RGS9: variants seen among roughly 807,000 people sequenced by gnomAD.
RGS9 encodes the protein regulator of G protein signaling 9.
A neutral mutation model predicts 102.0 loss-of-function variants in RGS9; 78 were observed. The observed-to-expected ratio is 0.76, with a 90% CI of 0.64 to 0.92. RGS9 has a LOEUF of 0.92. Ranked by LOEUF, RGS9 falls within the 40% of genes least tolerant of loss-of-function variation. The probability of loss-of-function intolerance (pLI) is 0.00; values close to 1 mark genes in which losing one functional copy is unlikely to be tolerated. For synonymous variants in RGS9, 353 were observed against 318.6 expected (o/e 1.11, Z -1.15); for missense variants, 833 against 866.1 (o/e 0.96, Z 0.48).
intron 7 of RGS9, among the ~76,000 whole-genome samples, chr17:65,163,934 T>C (rs1053384106): frequency 1.3e-5 from 2 of 152,228 alleles, no homozygotes; most frequent in Non-Finnish European, 2.9e-5. Context: ...GAATGATGTT[T>C]AAGCAGGGAA....
At position 65,204,294 on chromosome 17, in the gene RGS9, T is replaced by G; in HGVS notation, c.1196T>G (p.Met399Arg). Residue 399 changes from methionine to arginine, a missense_variant, in exon 15 of 19, where the codon ATG (methionine) becomes AGG (arginine). Met to Arg is a moderately conservative substitution (Grantham distance 91, BLOSUM62 -1). This residue lies in a region of RGS9 where 185 missense variants were observed against 248.7 expected (regional missense o/e 0.74). Coordinates refer to ENST00000262406, the MANE Select transcript of RGS9 (RefSeq NM_003835.4). ...GCACAAACCCACATTTACATGCTCA[T>G]GAAGAAGGTAGGTGGGTCCGTGCTG... ...DAAQTHIYML[M>R]KKDSYARYLK... 1 of 1,613,848 alleles carries G rather than the reference T, an allele frequency of 6.2e-7. No individual in the cohort carries two copies. The highest frequency in any genetic ancestry group is 8.5e-7 in the Non-Finnish European group (1 of 1,180,014).
intron 16 of RGS9, among the ~76,000 whole-genome samples, chr17:65,209,506 C>T (rs770410154): frequency 1.3e-5 from 2 of 152,204 alleles, no homozygotes; most frequent in Non-Finnish European, 2.9e-5. Context: ...CGTGGGCCCT[C>T]AAAGGCAGGT....
At chr17:65,202,487 G>T in intron 14 of RGS9, among the ~76,000 whole-genome samples, 1 of 148,500 alleles carries the variant, frequency 6.7e-6, no homozygotes, top group Admixed American at 6.8e-5. Flanking sequence ...GAGAGAAGAA[G>T]CAGCAAGATG....
intron 8 of RGS9, among the ~76,000 whole-genome samples, chr17:65,174,020 T>C (rs1163466537): frequency 6.6e-6 from 1 of 152,168 alleles, no homozygotes; most frequent in Non-Finnish European, 1.5e-5. Flanking sequence ...CAGAGGACTG[T>C]GCCTGGCTGT....
chr17:65,209,140 A>G (rs1477386971), intron 16 of RGS9, among the ~76,000 whole-genome samples: 1 of 152,208 alleles, frequency 6.6e-6, no homozygotes, highest in Non-Finnish European at 1.5e-5. Flanking sequence ...CACTATTGTG[A>G]GTGAGAATTA....
intron 9 of RGS9, among the ~76,000 whole-genome samples, chr17:65,184,157 G>A (rs1480227039): frequency 6.6e-6 from 1 of 152,104 alleles, no homozygotes; most frequent in Non-Finnish European, 1.5e-5. Flanking sequence ...TTTATCATGA[G>A]GTGGTTTTCT....
intron 1 of RGS9, among the ~76,000 whole-genome samples, chr17:65,148,731 G>C (rs182508208): frequency 1.2e-3 from 189 of 152,204 alleles, no homozygotes; most frequent in Non-Finnish European, 2.3e-3. Flanking sequence ...GTGTGGGGAG[G>C]AGGACAAGGG....
rs1910854905 is a variant in RGS9, at chr17:65,158,348, G to A, written c.205+3G>A. 6.2e-7 allele frequency: 1 copy of A among 1,613,836 alleles called. No individual in the cohort carries two copies. Among genetic ancestry groups the A allele is most frequent in the Non-Finnish European group, 8.5e-7 (1 of 1,179,848 alleles). On this transcript the variant is annotated splice_donor_region_variant and intron_variant, in intron 3 of 18. Coordinates refer to ENST00000262406, the MANE Select transcript of RGS9 (RefSeq NM_003835.4). ...GCGGCTTTGGATCTCCAGTCTGGGT[G>A]AGAGCTCATCTGGCACTCAGTTATC...
intron 17 of RGS9, among the ~76,000 whole-genome samples, chr17:65,212,680 A>G (rs1434879862): frequency 6.6e-6 from 1 of 152,218 alleles, no homozygotes; most frequent in East Asian, 1.9e-4. Context: ...GTTTCATGTT[A>G]GCAAAATGAT....
At chr17:65,164,993 C>G (rs1911123424) in intron 7 of RGS9, among the ~76,000 whole-genome samples, 1 of 152,118 alleles carries the variant, frequency 6.6e-6, no homozygotes, top group South Asian at 2.1e-4. Flanking sequence ...AGATCTTAGG[C>G]TGATATTACT....
At chr17:65,149,107 G>A (rs955908373) in intron 1 of RGS9, among the ~76,000 whole-genome samples, 24 of 150,862 alleles carry the variant, frequency 1.6e-4, no homozygotes, top group African/African-American at 4.9e-4. Flanking sequence ...GATTGTAGGC[G>A]CCCGCCACCA....
chr17:65,171,934 C>A (rs1911436593), intron 8 of RGS9, among the ~76,000 whole-genome samples: 1 of 152,208 alleles, frequency 6.6e-6, no homozygotes, highest in Non-Finnish European at 1.5e-5. Context: ...TCCTGCCTCC[C>A]AAGGATGTAG....
intron 1 of RGS9, among the ~76,000 whole-genome samples, chr17:65,152,597 A>G (rs1005100057): frequency 6.6e-6 from 1 of 152,148 alleles, no homozygotes; most frequent in Admixed American, 6.5e-5. Context: ...TGGTGCGATC[A>G]TAGCTCACTG....
At chr17:65,155,404 T>C (rs990767067) in intron 2 of RGS9, among the ~76,000 whole-genome samples, 1 of 152,240 alleles carries the variant, frequency 6.6e-6, no homozygotes, top group Non-Finnish European at 1.5e-5. Flanking sequence ...AGATGGTTAG[T>C]AAAAGTTTAT....
At chr17:65,213,906 T>C (rs1201836490) in intron 17 of RGS9, among the ~76,000 whole-genome samples, 1 of 152,186 alleles carries the variant, frequency 6.6e-6, no homozygotes, top group East Asian at 1.9e-4. Context: ...GGAATATAAA[T>C]GGCTTCATGG....
chr17:65,179,773 G>A (rs1326583494), intron 9 of RGS9, among the ~76,000 whole-genome samples: 1 of 151,900 alleles, frequency 6.6e-6, no homozygotes, highest in African/African-American at 2.4e-5. Context: ...CTTCTGAGGA[G>A]GGTGACCAGA....
At chr17:65,175,208 T>C (rs1463148404) in intron 8 of RGS9, among the ~76,000 whole-genome samples, 1 of 151,946 alleles carries the variant, frequency 6.6e-6, no homozygotes, top group East Asian at 1.9e-4. Context: ...AGTGTGCCAG[T>C]GTGTCAGGGC....
chr17:65,201,914 C>G (rs1457128396), intron 13 of RGS9, 79 bp from the exon 14 acceptor site: 3 of 966,184 alleles, frequency 3.1e-6, no homozygotes, highest in Non-Finnish European at 5.0e-6. Flanking sequence ...CCGGTTGACT[C>G]ATTTCTTTTA....
intron 17 of RGS9, among the ~76,000 whole-genome samples, chr17:65,220,898 C>T (rs1221212220): frequency 6.6e-6 from 1 of 152,206 alleles, no homozygotes; most frequent in Non-Finnish European, 1.5e-5. Context: ...CAATGCTAAG[C>T]TCTCCTTCAC....
Sources: allele counts gnomAD v4.1 joint callset (sites outside exome capture counted in the v4.1 genomes callset), GRCh38; gene constraint gnomAD v4.1.1; regional missense constraint gnomAD v4.1.1; transcripts MANE v1.5; gene names NCBI Gene and HGNC (gene_info 2026-07-23, HGNC 2026-07-21).